APBB2: variants seen among roughly 807,000 people sequenced by gnomAD.
APBB2 encodes the protein Fe65-like 1.
A neutral mutation model predicts 82.5 loss-of-function variants in APBB2; 38 were observed. The ratio of observed to expected loss-of-function variants is 0.46; its 90% CI spans 0.36 to 0.60. The LOEUF is 0.60. APBB2 is among the 20% of genes least tolerant of loss of function. The pLI, the probability that APBB2 is intolerant of heterozygous loss-of-function variation, is 0.00. For synonymous variants in APBB2, 341 were observed against 368.2 expected, an observed-to-expected ratio of 0.93 and a Z score of 0.85; for missense variants, 772 against 972.3, an observed-to-expected ratio of 0.79 and a Z score of 2.74.
chr4:41,120,166 T>A (rs1752379338), intron 2 of APBB2, among the ~76,000 whole-genome samples: 1 of 152,148 alleles, frequency 6.6e-6, no homozygotes, highest in Non-Finnish European at 1.5e-5. Context: ...GTTTTCACTC[T>A]CTCCACCAGA....
intron 1 of APBB2, among the ~76,000 whole-genome samples, chr4:41,157,466 C>G (rs1040029425): frequency 4.6e-5 from 7 of 152,134 alleles, no homozygotes; most frequent in African/African-American, 1.7e-4. Context: ...ACCCCTAGAG[C>G]AAGCTAATCC....
At chr4:40,936,425 T>A (rs1785378529) in intron 7 of APBB2, among the ~76,000 whole-genome samples, 1 of 152,132 alleles carries the variant, frequency 6.6e-6, no homozygotes, top group Admixed American at 6.5e-5. Flanking sequence ...GCTAATTTTT[T>A]AAAACTTTTT....
chr4:40,867,455 A>G (rs1486736582), intron 12 of APBB2, among the ~76,000 whole-genome samples: 1 of 152,216 alleles, frequency 6.6e-6, no homozygotes. Flanking sequence ...TAAACAAAAT[A>G]GGCTCAGAGG....
intron 10 of APBB2, among the ~76,000 whole-genome samples, chr4:40,915,749 T>C (rs1779679135): frequency 6.6e-6 from 1 of 151,620 alleles, no homozygotes; most frequent in Non-Finnish European, 1.5e-5. Context: ...CCAGGCTGAC[T>C]CCTGGGATTC....
At chr4:41,161,170 CAAAAAAAAAA>C (rs33917178) in intron 1 of APBB2, among the ~76,000 whole-genome samples, 2 of 86,278 alleles carry the variant, frequency 2.3e-5, no homozygotes, top group South Asian at 4.7e-4. Flanking sequence ...TCTTCCCTGG[CAAAAAAAAAA>C]AAAAAAAAAA....
At position 40,952,760 on chromosome 4, in the gene APBB2, GAAT is replaced by G. The variant is rs1258312975; in HGVS notation, c.836-7690_836-7688del. On this transcript the variant is annotated intron_variant, in intron 6 of 17. Transcript: ENST00000508593. ...GTGGAATCCAGGTCCTTCAGGTCTT[GAAT>G]GCAAGTGCTATCTTCCCGCTGGGAT... is the stretch of plus-strand genomic sequence containing the variant. 2.0e-5 allele frequency among the ~76,000 whole-genome samples: 3 copies of G among 152,348 alleles called. No homozygotes were observed. In the East Asian group the frequency reaches 5.8e-4, roughly 29 times the overall value.
chr4:41,112,208 C>T (rs187496702), intron 2 of APBB2, among the ~76,000 whole-genome samples: 3 of 152,330 alleles, frequency 2.0e-5, no homozygotes, highest in East Asian at 1.9e-4. Context: ...TTAGAGGGCA[C>T]ATATTTGCAA....
intron 2 of APBB2, among the ~76,000 whole-genome samples, chr4:41,128,935 C>G (rs1410530605): frequency 1.3e-5 from 2 of 152,144 alleles, no homozygotes; most frequent in Non-Finnish European, 2.9e-5. Flanking sequence ...TTTCCTACTA[C>G]AGACAACACT....
intron 6 of APBB2, among the ~76,000 whole-genome samples, chr4:40,950,675 G>A (rs1421268319): frequency 8.6e-5 from 13 of 151,958 alleles, no homozygotes; most frequent in Admixed American, 1.3e-4. Flanking sequence ...GTGAAACCCC[G>A]TCTCTATAAA....
In APBB2 at chr4:40,823,723, A is replaced by T. The variant is rs762928047; in HGVS notation, c.1853T>A (p.Met618Lys). 3 of 1,613,346 alleles carry T rather than the reference A, an allele frequency of 1.9e-6. No individual in the cohort carries two copies. In the African/African-American group the frequency reaches 4.0e-5, roughly 22 times the overall value. Residue 618 changes from methionine to lysine, a missense_variant, in exon 16 of 18, where the codon ATG becomes AAG. Transcript: ENST00000508593. ...DILNSAIENL[M>K]TSSNKEDWLS... ...CCAGTCCTCCTTGTTGGATGAGGTC[A>T]TAAGATTTTCTATGGCACTGTTCAA...
intron 10 of APBB2, among the ~76,000 whole-genome samples, chr4:40,910,631 G>A (rs1778294790): frequency 6.6e-6 from 1 of 152,222 alleles, no homozygotes; most frequent in African/African-American, 2.4e-5. Flanking sequence ...TTGAGATCAG[G>A]CCTGTTCTGT....
intron 6 of APBB2, among the ~76,000 whole-genome samples, chr4:40,982,221 GGAAA>G (rs1553893376): frequency 2.7e-3 from 35 of 12,898 alleles, no homozygotes; most frequent in African/African-American, 9.6e-3. Flanking sequence ...AGAAAAGAAA[GGAAA>G]GAAAGAAAGA....
At chr4:41,030,936 T>C (rs1233937178) in intron 5 of APBB2, among the ~76,000 whole-genome samples, 2 of 152,006 alleles carry the variant, frequency 1.3e-5, no homozygotes, top group African/African-American at 2.4e-5. Context: ...TAAATTCTGG[T>C]ATGTTTGGCA....
At chr4:40,987,324 C>A (rs1448320730) in intron 6 of APBB2, among the ~76,000 whole-genome samples, 1 of 152,162 alleles carries the variant, frequency 6.6e-6, no homozygotes, top group South Asian at 2.1e-4. Context: ...CATACTTCAG[C>A]ATTTGGCAGA....
At chr4:40,886,881 C>T (rs1349354952) in intron 12 of APBB2, among the ~76,000 whole-genome samples, 3 of 152,216 alleles carry the variant, frequency 2.0e-5, no homozygotes, top group Non-Finnish European at 2.9e-5. Context: ...CCTCCATCTC[C>T]AGGGGCCGTG....
At chr4:40,878,916 G>A (rs1767625032) in intron 12 of APBB2, among the ~76,000 whole-genome samples, 1 of 152,074 alleles carries the variant, frequency 6.6e-6, no homozygotes, top group Admixed American at 6.6e-5. Flanking sequence ...CTGTTCCCAA[G>A]AGCTTTTTAC....
intron 11 of APBB2, chr4:40,891,014 A>G (rs939313046): frequency 1.3e-5 from 2 of 152,544 alleles, no homozygotes; most frequent in Non-Finnish European, 2.9e-5. Flanking sequence ...CAGCACTAAC[A>G]ATGGCAAACA....
chr4:40,905,919 G>A (rs1331028175), intron 10 of APBB2, among the ~76,000 whole-genome samples: 2 of 152,108 alleles, frequency 1.3e-5, no homozygotes, highest in African/African-American at 4.8e-5. Flanking sequence ...TGGCTCGAGT[G>A]GGGAAGCGAG....
rs373361159 is a variant in APBB2 at position 41,171,958 on chromosome 4, G to T, written c.-416-28816C>A. On this transcript the variant is annotated intron_variant, in intron 1 of 17. Coordinates refer to ENST00000508593, the MANE Select transcript of APBB2 (RefSeq NM_004307.2). ...CCAGAAGTACAAAAAAAATTAGCTG[G>T]GCATGGTGGCAGAAGCCTGTAATCC... Among the ~76,000 whole-genome samples the T allele has an allele frequency of 1.7e-4, 26 of 152,270 alleles. No individual in the cohort carries two copies. In the East Asian group the frequency reaches 2.9e-3, roughly 17 times the overall value.
Sources: gnomAD v4.1 joint callset for allele counts (sites outside exome capture counted in the v4.1 genomes callset) on GRCh38, gnomAD v4.1.1 for gene constraint, MANE v1.5 for transcripts, NCBI Gene and HGNC (gene_info 2026-07-23, HGNC 2026-07-21) for gene names.